The following XPA variants were observed in gnomAD, a reference collection of about 807,000 sequenced individuals.
XPA encodes the protein XPA, DNA damage recognition and repair factor.
In XPA, 27 loss-of-function variants were observed where a neutral mutation model predicts 35.7. That is an observed-to-expected ratio of 0.76 (90% CI 0.56 to 1.04). The LOEUF is 1.04. XPA is among the 50% of genes least tolerant of loss of function. The probability of loss-of-function intolerance (pLI) is 0.00; values close to 1 mark genes in which losing one functional copy is unlikely to be tolerated. For missense variants in XPA, 354 were observed against 342.7 expected (o/e 1.03, Z -0.26); for synonymous variants, 133 against 118.4 (o/e 1.12, Z -0.80).
the XPA span, among the ~76,000 whole-genome samples, chr9:97,657,053 C>T: frequency 3.3e-5 from 5 of 152,194 alleles, no homozygotes; most frequent in African/African-American, 1.2e-4. Context: ...ACTGCAAGCG[C>T]CACCTCCGGG....
At chr9:97,661,523 C>T in the XPA span, among the ~76,000 whole-genome samples, 1 of 152,084 alleles carries the variant, frequency 6.6e-6, no homozygotes, top group Non-Finnish European at 1.5e-5. Context: ...ATACAGTTGC[C>T]TGAATCAATA....
the XPA span, chr9:97,669,568 A>G: frequency 1.6e-5 from 24 of 1,500,918 alleles, no homozygotes; most frequent in Non-Finnish European, 2.1e-5. Flanking sequence ...CTGTAGTACT[A>G]CCTTAACTTC....
At chr9:97,688,295 T>C (rs1270536970) in intron 3 of XPA, among the ~76,000 whole-genome samples, 1 of 152,172 alleles carries the variant, frequency 6.6e-6, no homozygotes, top group East Asian at 1.9e-4. Context: ...TCCTTCCACT[T>C]TGACAGGCAG....
chr9:97,672,434 C>T (rs1357563254), downstream of XPA: 1 of 152,186 alleles, frequency 6.6e-6, no homozygotes, highest in East Asian at 1.9e-4. Flanking sequence ...AATGGGAATT[C>T]CTAGAATGTT....
At chr9:97,656,430 T>C in the XPA span, among the ~76,000 whole-genome samples, 3 of 152,068 alleles carry the variant, frequency 2.0e-5, no homozygotes, top group African/African-American at 4.8e-5. Context: ...AAAATAAAAA[T>C]TTGCGAGGCG....
At chr9:97,691,582 C>T (rs1046882415) in intron 2 of XPA, among the ~76,000 whole-genome samples, 4 of 151,958 alleles carry the variant, frequency 2.6e-5, no homozygotes, top group South Asian at 2.1e-4. Flanking sequence ...AGCTGGGTGA[C>T]GGGCACCTGT....
chr9:97,693,224 C>T (rs1036750234), intron 2 of XPA, among the ~76,000 whole-genome samples: 1 of 152,118 alleles, frequency 6.6e-6, no homozygotes, highest in Admixed American at 6.5e-5. Context: ...ATAGTTACAT[C>T]CTTCTTTTTA....
rs1389582983 is a variant in XPA at position 97,675,518 on chromosome 9, G to A, written c.743C>T (p.Pro248Leu). The change falls in exon 6 of 6, where the codon CCA becomes CTA. Residue 248 changes from proline (P) to leucine (L), a missense_variant. Coordinates refer to ENST00000375128, the MANE Select transcript of XPA (RefSeq NM_000380.4). The stretch of plus-strand genomic sequence containing the variant: ...CATGTCATCTTCTAGGTTTTCTTCT[G>A]GTCCATACTCATGTTGATGAACAAT... ...ETIVHQHEYG[P>L]EENLEDDMYR... 1.9e-6 allele frequency: 3 copies of A among 1,613,698 alleles called. No individual in the cohort carries two copies. Among genetic ancestry groups the A allele is most frequent in the East Asian group, 2.2e-5 (1 of 44,862 alleles).
chr9:97,686,169 T>C (rs1331406519), intron 4 of XPA, among the ~76,000 whole-genome samples: 1 of 152,234 alleles, frequency 6.6e-6, no homozygotes, highest in Non-Finnish European at 1.5e-5. Flanking sequence ...GATTTTCTAG[T>C]ATAGTATATA....
the XPA span, chr9:97,664,591 TC>T: frequency 1.8e-6 from 1 of 549,256 alleles, no homozygotes; most frequent in Non-Finnish European, 3.3e-6. Flanking sequence ...TGGCAAAAAT[TC>T]CTAGACAGTG....
chr9:97,667,170 G>A, the XPA span, among the ~76,000 whole-genome samples: 1 of 152,158 alleles, frequency 6.6e-6, no homozygotes, highest in Admixed American at 6.5e-5. Context: ...AGTAGCAGAA[G>A]GGAAGAGGAC....
intron 2 of XPA, among the ~76,000 whole-genome samples, 158 bp from the exon 3 acceptor site, chr9:97,689,797 TAA>T (rs1828831489): frequency 6.7e-6 from 1 of 148,174 alleles, no homozygotes; most frequent in Admixed American, 6.6e-5. Context: ...AAAAAAAAAT[TAA>T]AGAGGAAAAA....
At chr9:97,664,233 A>G in the XPA span, 1 of 650,142 alleles carries the variant, frequency 1.5e-6, no homozygotes, top group African/African-American at 1.8e-5. Context: ...CACCAAAACT[A>G]AATTTTATAG....
the XPA span, chr9:97,654,885 A>G: frequency 6.2e-7 from 1 of 1,613,746 alleles, no homozygotes; most frequent in Non-Finnish European, 8.5e-7. Context: ...CACAGCTTGC[A>G]CAGGCAACTG....
At chr9:97,681,315 G>A (rs1828530634) in intron 5 of XPA, among the ~76,000 whole-genome samples, 1 of 152,064 alleles carries the variant, frequency 6.6e-6, no homozygotes, top group Non-Finnish European at 1.5e-5. Flanking sequence ...AAATTACAAG[G>A]AAAAGACACA....
At chr9:97,668,995 T>C in the XPA span, 5 of 1,586,596 alleles carry the variant, frequency 3.2e-6, no homozygotes, top group Non-Finnish European at 4.3e-6. Flanking sequence ...TTGGGACATT[T>C]ATACATAAAA....
At chr9:97,664,502 C>T in the XPA span, 7 of 1,131,466 alleles carry the variant, frequency 6.2e-6, no homozygotes, top group East Asian at 9.6e-5. Context: ...TGTGTGGTCT[C>T]TTATACATAA....
chr9:97,657,904 CTCTATA>C, the XPA span, among the ~76,000 whole-genome samples: 1 of 70,220 alleles, frequency 1.4e-5, no homozygotes, highest in East Asian at 3.3e-4. Context: ...CTCTCTCTCT[CTCTATA>C]TATATATATA....
the XPA span, chr9:97,663,107 C>A: frequency 1.6e-6 from 2 of 1,237,400 alleles, no homozygotes; most frequent in Non-Finnish European, 2.3e-6. Flanking sequence ...AAAATAAGGC[C>A]GTTAATTGCC....
Sources: gnomAD v4.1 joint callset for allele counts (sites outside exome capture counted in the v4.1 genomes callset) on GRCh38, gnomAD v4.1.1 for gene constraint, MANE v1.5 for transcripts, NCBI Gene and HGNC (gene_info 2026-07-23, HGNC 2026-07-21) for gene names.